CCDC171: variants seen among roughly 807,000 people sequenced by gnomAD.
CCDC171 encodes coiled-coil domain-containing protein 171.
CCDC171 carries 177 observed loss-of-function variants against 168.2 expected under a neutral mutation model. The ratio of observed to expected loss-of-function variants is 1.05; its 90% CI spans 0.93 to 1.19. CCDC171 has a LOEUF of 1.19. Ranked by LOEUF, CCDC171 falls within the 50% of genes most tolerant of loss-of-function variation. The pLI is 0.00. For synonymous variants in CCDC171, 687 were observed against 540.8 expected (o/e 1.27, Z -3.75); for missense variants, 1,991 against 1,539.0 (o/e 1.29, Z -4.91).
chr9:15,736,661 T>TTTTCTTTCTTTCTTTCTTTCTTTCTTTC (rs58407296), intron 16 of CCDC171, among the ~76,000 whole-genome samples: 31 of 147,888 alleles, frequency 2.1e-4, no homozygotes, highest in African/African-American at 7.3e-4. Context: ...TCACATTTCT[T>TTTTCTTTCTTTCTTTCTTTCTTTCTTTC]TTTCTTTCTT....
intron 25 of CCDC171, among the ~76,000 whole-genome samples, chr9:15,932,207 G>T (rs1826613134): frequency 6.6e-6 from 1 of 151,818 alleles, no homozygotes; most frequent in African/African-American, 2.4e-5. Flanking sequence ...GGGCAGTATG[G>T]CCATTTTAAC....
intron 8 of CCDC171, among the ~76,000 whole-genome samples, chr9:15,661,274 C>G (rs1442677776): frequency 3.0e-5 from 3 of 100,146 alleles, no homozygotes; most frequent in Non-Finnish European, 4.0e-5. Flanking sequence ...AGCGAGACTC[C>G]GTCTCAAAAA....
At chr9:15,903,138 C>T (rs1383462107) in intron 24 of CCDC171, among the ~76,000 whole-genome samples, 1 of 152,206 alleles carries the variant, frequency 6.6e-6, no homozygotes, top group Non-Finnish European at 1.5e-5. Context: ...CAGCAGAATC[C>T]TCTGCAGACT....
At chr9:15,571,954 A>T (rs555097293) in intron 3 of CCDC171, among the ~76,000 whole-genome samples, 195 bp downstream of exon 3, 1 of 152,282 alleles carries the variant, frequency 6.6e-6, no homozygotes, top group East Asian at 1.9e-4. Context: ...TTAATGAATT[A>T]TGTTTATTTG....
At chr9:15,561,801 A>C (rs1171336075) in intron 1 of CCDC171, among the ~76,000 whole-genome samples, 1 of 152,050 alleles carries the variant, frequency 6.6e-6, no homozygotes, top group South Asian at 2.1e-4. Context: ...TCAGGGGCTG[A>C]TATCAGCGAG....
chr9:15,578,932 C>T lies in CCDC171; in HGVS notation c.261C>T (p.Asp87=). 6.2e-7 allele frequency: 1 copy of T among 1,613,484 alleles called. No individual in the cohort carries two copies. The highest frequency in any genetic ancestry group is 8.5e-7 in the Non-Finnish European group (1 of 1,179,486). ...GEALRQSLEY[D]LAVARKEAGL... is the part of the protein sequence containing the mutation. Reference sequence around the variant, plus strand: ...CATTGCGACAAAGTCTGGAATATGACCTAGCTGTTGCTAGAAAGGAAGCTG... The same window carrying T: ...CATTGCGACAAAGTCTGGAATATGATCTAGCTGTTGCTAGAAAGGAAGCTG... The change falls in exon 4 of 26, where the codon GAC becomes GAT. Residue 87 remains aspartate (D), a synonymous_variant. Transcript: ENST00000380701.
chr9:15,790,585 A>G (rs1217357501), intron 21 of CCDC171, among the ~76,000 whole-genome samples: 2 of 152,080 alleles, frequency 1.3e-5, no homozygotes, highest in African/African-American at 4.8e-5. Flanking sequence ...TGCTGTGCAG[A>G]AGCTTTTTAG....
At chr9:15,895,716 A>C (rs546392077) in intron 24 of CCDC171, among the ~76,000 whole-genome samples, 1 of 152,084 alleles carries the variant, frequency 6.6e-6, no homozygotes, top group Non-Finnish European at 1.5e-5. Context: ...TTGTTTTCCT[A>C]TGGCCCACAA....
chr9:15,579,136 G>C, intron 4 of CCDC171, 113 bp downstream of exon 4: 1 of 819,604 alleles, frequency 1.2e-6, no homozygotes, highest in Non-Finnish European at 1.8e-6. Flanking sequence ...CTGATTCGTT[G>C]ACTGACTTTT....
At chr9:15,856,749 A>G (rs2061361949) in intron 23 of CCDC171, among the ~76,000 whole-genome samples, 1 of 151,974 alleles carries the variant, frequency 6.6e-6, no homozygotes, top group Non-Finnish European at 1.5e-5. Flanking sequence ...CATATGTGGT[A>G]GTTCTAATTT....
intron 7 of CCDC171, among the ~76,000 whole-genome samples, chr9:15,651,184 C>T (rs2047486795): frequency 6.6e-6 from 1 of 151,910 alleles, no homozygotes; most frequent in Non-Finnish European, 1.5e-5. Flanking sequence ...TCTCCACTCA[C>T]TGCAACTTCC....
At chr9:15,641,497 G>T (rs1044913771) in intron 7 of CCDC171, among the ~76,000 whole-genome samples, 5 of 152,156 alleles carry the variant, frequency 3.3e-5, no homozygotes, top group African/African-American at 4.8e-5. Context: ...TTTTGGAAGA[G>T]GCCCATGGAA....
intron 7 of CCDC171, among the ~76,000 whole-genome samples, chr9:15,635,013 A>G (rs2132391124): frequency 6.6e-6 from 1 of 152,212 alleles, no homozygotes; most frequent in East Asian, 1.9e-4. Flanking sequence ...CTGTTGTGTA[A>G]TATATATTTT....
chr9:15,610,682 C>T (rs930442973), intron 6 of CCDC171, among the ~76,000 whole-genome samples: 34 of 151,474 alleles, frequency 2.2e-4, no homozygotes, highest in Admixed American at 1.5e-3. Context: ...CTCAGCCTCT[C>T]GAATACCTGG....
intron 21 of CCDC171, among the ~76,000 whole-genome samples, chr9:15,813,907 A>G (rs1444370303): frequency 6.6e-6 from 1 of 152,210 alleles, no homozygotes; most frequent in Non-Finnish European, 1.5e-5. Flanking sequence ...GTTGAGTAAT[A>G]GGATCACTTT....
chr9:15,554,632 C>G (rs1268555373), intron 1 of CCDC171, among the ~76,000 whole-genome samples: 1 of 152,100 alleles, frequency 6.6e-6, no homozygotes, highest in Non-Finnish European at 1.5e-5. Context: ...GTCTCAGTCC[C>G]TTGGTCTTGG....
intron 24 of CCDC171, among the ~76,000 whole-genome samples, chr9:15,877,968 C>G (rs1297916871): frequency 6.6e-6 from 1 of 151,938 alleles, no homozygotes; most frequent in Non-Finnish European, 1.5e-5. Context: ...GTTGAGTGCA[C>G]AAAAATCAAT....
intron 1 of CCDC171, among the ~76,000 whole-genome samples, chr9:15,562,573 C>T (rs750933111): frequency 1.3e-5 from 2 of 152,102 alleles, no homozygotes; most frequent in Admixed American, 6.6e-5. Flanking sequence ...TTAAAAGTTT[C>T]GTAACCTCTA....
At chr9:15,755,966 C>G (rs1002102838) in intron 18 of CCDC171, among the ~76,000 whole-genome samples, 1 of 152,146 alleles carries the variant, frequency 6.6e-6, no homozygotes, top group Non-Finnish European at 1.5e-5. Flanking sequence ...AATTATATCT[C>G]TAGAAAGCTG....
Sources: allele counts gnomAD v4.1 joint callset (sites outside exome capture counted in the v4.1 genomes callset), GRCh38; gene constraint gnomAD v4.1.1; transcripts MANE v1.5; gene names NCBI Gene and HGNC (gene_info 2026-07-23, HGNC 2026-07-21).